The following ZC3H3 variants were observed in gnomAD, a reference collection of about 807,000 sequenced individuals.
ZC3H3 encodes zinc finger CCCH domain-containing protein 3.
Under a neutral mutation model 77.3 loss-of-function variants are expected in ZC3H3, and 36 were observed. The observed-to-expected ratio is 0.47, with a 90% CI of 0.36 to 0.61. The LOEUF (loss-of-function observed/expected upper bound fraction) is 0.61. Ranked by LOEUF, ZC3H3 falls within the 20% of genes least tolerant of loss-of-function variation. The pLI, the probability that ZC3H3 is intolerant of heterozygous loss-of-function variation, is 0.00. For missense variants in ZC3H3, 1,331 were observed against 1,312.2 expected (o/e 1.01, Z -0.22); for synonymous variants, 626 against 555.2 (o/e 1.13, Z -1.79).
chr8:143,466,011 T>C (rs1228058576), intron 8 of ZC3H3, among the ~76,000 whole-genome samples, 163 bp from the exon 9 acceptor site: 2 of 152,140 alleles, frequency 1.3e-5, no homozygotes, highest in African/African-American at 4.8e-5. Context: ...GGGAAGCTGC[T>C]GCTCAGAAGT....
At chr8:143,478,998 T>C (rs1820829462) in intron 4 of ZC3H3, among the ~76,000 whole-genome samples, 1 of 152,202 alleles carries the variant, frequency 6.6e-6, no homozygotes, top group South Asian at 2.1e-4. Context: ...TTGGGAATGT[T>C]CCCAGCCCCC....
At chr8:143,470,652 G>A (rs931222021) in intron 5 of ZC3H3, among the ~76,000 whole-genome samples, 4 of 152,246 alleles carry the variant, frequency 2.6e-5, no homozygotes, top group African/African-American at 7.2e-5. Flanking sequence ...CTGGCATCAC[G>A]TGCCCGCCTG....
At chr8:143,540,968 G>A (rs568273311) in intron 1 of ZC3H3, among the ~76,000 whole-genome samples, 1 of 152,206 alleles carries the variant, frequency 6.6e-6, no homozygotes, top group African/African-American at 2.4e-5. Context: ...AAAAAACCGG[G>A]CGTCAAGGAA....
In ZC3H3 at chr8:143,475,427, T is replaced by C. The variant is rs755094519; in HGVS notation, c.1874A>G (p.Asp625Gly). Residue 625 changes from aspartate (D) to glycine (G), a missense_variant, in exon 5 of 12, where the codon GAT (aspartate) becomes GGT (glycine). Around this residue, in one of 3 missense-constraint regions of ZC3H3, gnomAD observed 978 missense variants for 915.5 expected, o/e 1.07. Coordinates refer to ENST00000262577, the MANE Select transcript of ZC3H3 (RefSeq NM_015117.3). ...KLSKTSGQPS[D>G]AGSRPLLRTG... ...GCGCAGGAGGGGCCTGCTGCCCGCA[T>C]CACTGGGCTGGCCGGAGGTCTTGGA... 1 of 1,613,006 alleles carries C rather than the reference T, an allele frequency of 6.2e-7. No individual in the cohort carries two copies. The highest frequency in any genetic ancestry group is 8.5e-7 in the Non-Finnish European group (1 of 1,179,886).
chr8:143,536,778 G>A (rs1301933992), intron 2 of ZC3H3, among the ~76,000 whole-genome samples: 4 of 152,130 alleles, frequency 2.6e-5, no homozygotes, highest in Admixed American at 6.5e-5. Context: ...CAGGAAAAAG[G>A]AGCCTCTACG....
At position 143,468,257 on chromosome 8, in the gene ZC3H3, C is replaced by T; in HGVS notation, c.2127G>A (p.Lys709=). 1.2e-6 allele frequency: 2 copies of T among 1,613,106 alleles called. No individual in the cohort carries two copies. Among genetic ancestry groups the T allele is most frequent in the Non-Finnish European group, 1.7e-6 (2 of 1,179,964 alleles). Residue 709 remains lysine (K), a synonymous_variant, in exon 8 of 12, where the codon AAG becomes AAA. Coordinates refer to ENST00000262577, the MANE Select transcript of ZC3H3 (RefSeq NM_015117.3). The part of the protein sequence containing the change: ...VCTRFVRGTC[K]KTDGTCPFSH... ...AGAAGGGGCAGGTCCCATCCGTTTT[C>T]TTGCAGGTGCCCCGGACAAACCTGC...
intron 11 of ZC3H3, among the ~76,000 whole-genome samples, chr8:143,438,976 G>A (rs756927288): frequency 6.6e-6 from 1 of 152,190 alleles, no homozygotes; most frequent in Non-Finnish European, 1.5e-5. Context: ...ACCTGCCCGA[G>A]CTCCTGGCCA....
chr8:143,473,785 G>A (rs945941987), intron 5 of ZC3H3, among the ~76,000 whole-genome samples: 1 of 152,216 alleles, frequency 6.6e-6, no homozygotes, highest in Non-Finnish European at 1.5e-5. Flanking sequence ...GAGCTCCACT[G>A]GTCAGGGTCC....
Position 143,538,795 on chromosome 8 carries a change from A to C in ZC3H3, c.572T>G (p.Val191Gly), listed in dbSNP as rs1486961577. 1.9e-6 allele frequency: 3 copies of C among 1,612,342 alleles called. No individual in the cohort carries two copies. The highest frequency in any genetic ancestry group is 2.5e-6 in the Non-Finnish European group (3 of 1,179,848). Residue 191 changes from valine to glycine, a missense_variant, in exon 2 of 12, where the codon GTC (valine) becomes GGC (glycine). Val to Gly is a moderately radical substitution (Grantham distance 109, BLOSUM62 -3). Transcript: ENST00000262577. ...GTCSVEDPLL[V>G]CQKEPGKPRM... ...GGGCTTACCAGGCTCCTTCTGGCAG[A>C]CCAGAAGAGGATCTTCCACACTGCA... is the stretch of plus-strand genomic sequence containing the variant.
Position 143,462,477 on chromosome 8 carries a change from C to T in ZC3H3, c.2307+3240G>A, listed in dbSNP as rs434835. 3.4e-3 allele frequency among the ~76,000 whole-genome samples: 512 copies of T among 152,342 alleles called. No homozygotes were observed. The highest frequency in any genetic ancestry group is 0.012 in the African/African-American group (497 of 41,572). On this transcript the variant is annotated intron_variant, in intron 9 of 11. Coordinates refer to ENST00000262577, the MANE Select transcript of ZC3H3 (RefSeq NM_015117.3). This position sits in a 1 kb window ranked among gnomAD's most constrained non-coding sequence, Gnocchi z 4.7. ...CGAAAGCAAGGCACCAACAGAGAAG[C>T]GCTGTATGTGAACAAAACCAAGACA...
intron 9 of ZC3H3, 53 bp downstream of exon 9, chr8:143,465,664 G>A (rs1364456757): frequency 1.2e-6 from 2 of 1,604,670 alleles, no homozygotes; most frequent in African/African-American, 2.7e-5. Flanking sequence ...AGTGAGCAGA[G>A]GACCAACAAG....
intron 9 of ZC3H3, among the ~76,000 whole-genome samples, chr8:143,450,885 T>C (rs1819971618): frequency 6.6e-6 from 1 of 152,190 alleles, no homozygotes; most frequent in Non-Finnish European, 1.5e-5. Flanking sequence ...GCTGTGGATC[T>C]GCAGGACGCT....
At chr8:143,474,043 C>T (rs1002521079) in intron 5 of ZC3H3, among the ~76,000 whole-genome samples, 3 of 152,184 alleles carry the variant, frequency 2.0e-5, no homozygotes, top group African/African-American at 4.8e-5. Flanking sequence ...CCCCAACCCA[C>T]GGCAGCATCC....
intron 4 of ZC3H3, among the ~76,000 whole-genome samples, chr8:143,489,521 G>A (rs1357013659): frequency 6.6e-6 from 1 of 152,160 alleles, no homozygotes. Context: ...CAGGGGAGGA[G>A]CTGGCTGGAA....
intron 3 of ZC3H3, among the ~76,000 whole-genome samples, chr8:143,512,738 CA>C (rs1821909735): frequency 6.6e-6 from 1 of 152,242 alleles, no homozygotes; most frequent in African/African-American, 2.4e-5. Context: ...CCCCAGAGCT[CA>C]GGGGGTTGCA....
At position 143,536,190 on chromosome 8, in the gene ZC3H3, T is replaced by C. The variant is rs1822789372; in HGVS notation, c.1561+67A>G. 2.0e-6 allele frequency: 3 copies of C among 1,527,354 alleles called. No homozygotes were observed. The African/African-American group carries it at 4.1e-5, about 21-fold the overall frequency. The allele number at this position is 1,527,354 out of a possible 1,614,324, so 94.6% of individuals were successfully genotyped here. A position where few individuals can be genotyped will look rare whatever the true frequency, so the allele number is the denominator to read the frequency against. On this transcript the variant is annotated intron_variant, in intron 3 of 11. Transcript: ENST00000262577. ...AGGCAGGGAAGGTGCCCATGGCTCC[T>C]AACACGCCAGCATATCCCATCAGGC...
At chr8:143,507,092 G>C (rs922439859) in intron 4 of ZC3H3, among the ~76,000 whole-genome samples, 2 of 152,248 alleles carry the variant, frequency 1.3e-5, no homozygotes, top group African/African-American at 4.8e-5. Context: ...CCACAGCAAA[G>C]GAAGGGGCCA....
chr8:143,491,041 CAG>C (rs1311359126), intron 4 of ZC3H3, among the ~76,000 whole-genome samples: 3 of 152,242 alleles, frequency 2.0e-5, no homozygotes, highest in Admixed American at 1.3e-4. Context: ...TTCTTCCTGT[CAG>C]GGGTGGTTTT....
At chr8:143,523,254 C>T (rs755863495) in intron 3 of ZC3H3, 214 of 957,692 alleles carry the variant, frequency 2.2e-4, no homozygotes, top group Non-Finnish European at 2.5e-4. Context: ...ACACAACCCT[C>T]CAGGCTTGCT....
Sources: gnomAD v4.1 joint callset for allele counts (sites outside exome capture counted in the v4.1 genomes callset) on GRCh38, gnomAD v4.1.1 for gene constraint, gnomAD v4.1.1 regional missense constraint, Gnocchi (gnomAD v3.1) non-coding constraint, MANE v1.5 for transcripts, NCBI Gene and HGNC (gene_info 2026-07-23, HGNC 2026-07-21) for gene names.